LHFPL5: variants seen among roughly 807,000 people sequenced by gnomAD.
The protein encoded by LHFPL5 is LHFPL tetraspan subfamily member 5, also known as LHFPL tetraspan subfamily member 5 protein.
A neutral mutation model predicts 18.7 loss-of-function variants in LHFPL5; 12 were observed. That is an observed-to-expected ratio of 0.64 (90% CI 0.41 to 1.04). LHFPL5 has a LOEUF of 1.04. Among genes scored for constraint, LHFPL5 ranks in the 50% least tolerant of loss-of-function variants. LHFPL5 has a pLI of 0.00. For missense variants in LHFPL5, 259 were observed against 292.1 expected, an observed-to-expected ratio of 0.89 and a Z score of 0.83; for synonymous variants, 111 against 120.2, an observed-to-expected ratio of 0.92 and a Z score of 0.50.
At position 35,814,826 on chromosome 6, in the gene LHFPL5, T is replaced by G; in HGVS notation, c.649+44T>G. ...AATGGTGTCCCCTGCCTGGAGACCC[T>G]GGGATGTGGGTGGGGGTTCATCTTA... On this transcript the variant is annotated intron_variant, in intron 2 of 3. Transcript: ENST00000360215. This position sits in a 1 kb window ranked among gnomAD's most constrained non-coding sequence, Gnocchi z 4.2. The G allele has an allele frequency of 6.4e-7, 1 of 1,551,422 alleles. No individual in the cohort carries two copies. The highest frequency in any genetic ancestry group is 8.9e-7 in the Non-Finnish European group (1 of 1,123,158).
chr6:35,813,786 C>A (rs1768711332), intron 1 of LHFPL5, among the ~76,000 whole-genome samples: 2 of 147,486 alleles, frequency 1.4e-5, no homozygotes, highest in South Asian at 4.3e-4. Flanking sequence ...TTTCTTTTTC[C>A]TTTTCCTTTT....
intron 1 of LHFPL5, 23 bp downstream of exon 1, chr6:35,806,105 C>A (rs768424661): frequency 6.2e-7 from 1 of 1,611,108 alleles, no homozygotes; most frequent in African/African-American, 1.3e-5. Context: ...GGTGGGAGGG[C>A]AGGCAGGGGC....
chr6:35,805,592 AC>A lies in LHFPL5; in HGVS notation c.-77del. On this transcript the variant is annotated 5_prime_UTR_variant, in exon 1 of 4. Transcript: ENST00000360215. The surrounding 1 kb of genome is among the most constrained non-coding windows in gnomAD (Gnocchi z 4.3). ...CCTCCCCAAACCCCGCTGGGGAGTG[AC>A]CTGCTTCTAGGCCTCCATCCACAAA... 6.6e-7 allele frequency: 1 copy of A among 1,513,326 alleles called. No individual in the cohort carries two copies. Among genetic ancestry groups the A allele is most frequent in the Non-Finnish European group, 9.1e-7 (1 of 1,095,104 alleles). The allele number at this position is 1,513,326 out of a possible 1,614,324, so 93.7% of individuals were successfully genotyped here.
chr6:35,819,451 A>C lies in LHFPL5; in HGVS notation c.*4A>C, dbSNP rs755990917. 6.2e-7 allele frequency: 1 copy of C among 1,614,096 alleles called. No individual in the cohort carries two copies. Among genetic ancestry groups the C allele is most frequent in the Non-Finnish European group, 8.5e-7 (1 of 1,179,968 alleles). On this transcript the variant is annotated 3_prime_UTR_variant, in exon 3 of 4. Coordinates refer to ENST00000360215, the MANE Select transcript of LHFPL5 (RefSeq NM_182548.4). ...CTTCATTACAGAGGAGGTGTGAAGC[A>C]GCTGAAGGGTCGGTGAGTAATTCTA...
At chr6:35,808,331 T>G (rs1373974174) in intron 1 of LHFPL5, among the ~76,000 whole-genome samples, 1 of 145,782 alleles carries the variant, frequency 6.9e-6, no homozygotes, top group Non-Finnish European at 1.5e-5. Flanking sequence ...AAAATAATCA[T>G]AATAAATAAT....
At chr6:35,812,807 C>T (rs1206911654) in intron 1 of LHFPL5, among the ~76,000 whole-genome samples, 1 of 152,208 alleles carries the variant, frequency 6.6e-6, no homozygotes, top group Non-Finnish European at 1.5e-5. Flanking sequence ...GTAATCCCAG[C>T]ACTTTGGGAG....
intron 1 of LHFPL5, among the ~76,000 whole-genome samples, chr6:35,810,189 C>T (rs1481897264): frequency 1.3e-5 from 2 of 152,152 alleles, no homozygotes; most frequent in Non-Finnish European, 2.9e-5. Flanking sequence ...CAATCCCATT[C>T]GTGGAGGGCC....
intron 2 of LHFPL5, among the ~76,000 whole-genome samples, chr6:35,816,354 A>G (rs1768760281): frequency 6.6e-6 from 1 of 150,790 alleles, no homozygotes; most frequent in South Asian, 2.1e-4. Flanking sequence ...TCAAAAAAAA[A>G]AAAAAAAGAA....
At chr6:35,816,624 C>G (rs964081423) in intron 2 of LHFPL5, among the ~76,000 whole-genome samples, 1 of 151,798 alleles carries the variant, frequency 6.6e-6, no homozygotes, top group East Asian at 1.9e-4. Context: ...CCAGCCTGGC[C>G]AACATGGCAC....
rs763639486 is a variant in LHFPL5 at position 35,821,857 on chromosome 6, A to ATTTTTTTTTTTTTTTTTTTT, written c.*17-1110_*17-1091dup. ...AACTCCACAGCACTGGTGTACCACA[A>ATTTTTTTTTTTTTTTTTTTT]TTTTTTTTTTTTTTTTTTTTTTTTT... On this transcript the variant is annotated intron_variant, in intron 3 of 3. Transcript: ENST00000360215. 2.3e-4 allele frequency among the ~76,000 whole-genome samples: 9 copies of ATTTTTTTTTTTTTTTTTTTT among 39,136 alleles called. 3 individuals carry two copies. Among genetic ancestry groups the ATTTTTTTTTTTTTTTTTTTT allele is most frequent in the African/African-American group, 3.5e-4 (4 of 11,322 alleles). The allele number at this position is 39,136 out of a possible 152,430, so 25.7% of individuals were successfully genotyped here.
chr6:35,817,796 G>T (rs762400128), intron 2 of LHFPL5, among the ~76,000 whole-genome samples: 6 of 152,240 alleles, frequency 3.9e-5, no homozygotes, highest in Non-Finnish European at 7.3e-5. Flanking sequence ...CAGCCTGGCA[G>T]TTCCTCAAAT....
intron 2 of LHFPL5, among the ~76,000 whole-genome samples, chr6:35,818,141 A>G (rs765695749): frequency 3.3e-5 from 5 of 152,068 alleles, no homozygotes; most frequent in Middle Eastern, 3.2e-3. Context: ...CTGTGATTCA[A>G]TTTCTATAAA....
At chr6:35,809,521 G>A (rs546452255) in intron 1 of LHFPL5, among the ~76,000 whole-genome samples, 9 of 152,172 alleles carry the variant, frequency 5.9e-5, no homozygotes, top group African/African-American at 1.9e-4. Context: ...ATTGAGTCAA[G>A]GTCTCAAAAA....
chr6:35,813,792 CTTTTTTTTTTT>C (rs1012092184), intron 1 of LHFPL5, among the ~76,000 whole-genome samples: 1 of 121,538 alleles, frequency 8.2e-6, no homozygotes, highest in African/African-American at 3.3e-5. Flanking sequence ...TTTCCTTTTC[CTTTTTTTTTTT>C]TTTTTTTTTT....
intron 1 of LHFPL5, among the ~76,000 whole-genome samples, chr6:35,813,239 A>ATTTTTTTTTTTTTT (rs35884324): frequency 1.8e-5 from 1 of 56,294 alleles, no homozygotes; most frequent in African/African-American, 6.7e-5. Context: ...AGGAACTAGC[A>ATTTTTTTTTTTTTT]TTTTTTTTTT....
In LHFPL5 at chr6:35,805,593, C is replaced by A; in HGVS notation, c.-78C>A. The A allele has an allele frequency of 6.6e-7, 1 of 1,524,956 alleles. No homozygotes were observed. Among genetic ancestry groups the A allele is most frequent in the South Asian group, 1.1e-5 (1 of 88,394 alleles). The allele number at this position is 1,524,956 out of a possible 1,614,324, so 94.5% of individuals were successfully genotyped here. A position where few individuals can be genotyped will look rare whatever the true frequency, so the allele number is the denominator to read the frequency against. On this transcript the variant is annotated 5_prime_UTR_variant, in exon 1 of 4. Coordinates refer to ENST00000360215, the MANE Select transcript of LHFPL5 (RefSeq NM_182548.4). The surrounding 1 kb of genome is among the most constrained non-coding windows in gnomAD (Gnocchi z 4.3). ...CTCCCCAAACCCCGCTGGGGAGTGA[C>A]CTGCTTCTAGGCCTCCATCCACAAA...
intron 3 of LHFPL5, among the ~76,000 whole-genome samples, chr6:35,821,481 G>GTGTGTGTATGTA (rs1554147693): frequency 6.8e-6 from 1 of 146,974 alleles, no homozygotes. Context: ...GTGTGTGTGT[G>GTGTGTGTATGTA]TGTGTGTGTG....
chr6:35,808,583 AT>A (rs2151069448), intron 1 of LHFPL5, among the ~76,000 whole-genome samples: 1 of 128,618 alleles, frequency 7.8e-6, no homozygotes, highest in South Asian at 2.5e-4. Flanking sequence ...ATATATATAT[AT>A]ATATATATAT....
At chr6:35,817,426 C>A (rs1768786093) in intron 2 of LHFPL5, among the ~76,000 whole-genome samples, 1 of 151,966 alleles carries the variant, frequency 6.6e-6, no homozygotes, top group Non-Finnish European at 1.5e-5. Flanking sequence ...GGACAGCCCA[C>A]AGAATGGAAG....
Sources: gnomAD v4.1 joint callset for allele counts (sites outside exome capture counted in the v4.1 genomes callset) on GRCh38, gnomAD v4.1.1 for gene constraint, Gnocchi (gnomAD v3.1) non-coding constraint, MANE v1.5 for transcripts, NCBI Gene and HGNC (gene_info 2026-07-23, HGNC 2026-07-21) for gene names.